The following CBLC variants were observed in gnomAD, a reference collection of about 807,000 sequenced individuals.
CBLC encodes E3 ubiquitin-protein ligase CBL-C.
In CBLC, 46 loss-of-function variants were observed where a neutral mutation model predicts 58.6. The observed-to-expected ratio is 0.79, with a 90% CI of 0.62 to 1.00. The LOEUF (loss-of-function observed/expected upper bound fraction) is 1.00. Among genes scored for constraint, CBLC ranks in the 50% least tolerant of loss-of-function variants. The probability of loss-of-function intolerance (pLI) is 0.00; values close to 1 mark genes in which losing one functional copy is unlikely to be tolerated. For synonymous variants in CBLC, 271 were observed against 264.2 expected (o/e 1.03, Z -0.25); for missense variants, 655 against 625.8 (o/e 1.05, Z -0.50).
In CBLC at chr19:44,800,531, A is replaced by C. The variant is rs1599878131; in HGVS notation, c.*8-20A>C. 4.9e-6 allele frequency: 4 copies of C among 809,886 alleles called. No individual in the cohort carries two copies. Among genetic ancestry groups the C allele is most frequent in the South Asian group, 1.7e-5 (1 of 60,502 alleles). The allele number at this position is 809,886 out of a possible 1,614,324, so 50.2% of individuals were successfully genotyped here. A position where few individuals can be genotyped will look rare whatever the true frequency, so the allele number is the denominator to read the frequency against. On this transcript the variant is annotated intron_variant, in intron 10 of 10. Transcript: ENST00000647358. ...ACCTGGAGGTGACCTCATCTAACCCACCCCTCTCTCCGCCTACAGGGCACC... is the reference window on the plus strand; with the variant it reads ...ACCTGGAGGTGACCTCATCTAACCCCCCCCTCTCTCCGCCTACAGGGCACC...
rs1967706203 is a variant in CBLC at position 44,780,905 on chromosome 19, G to A, written c.354G>A (p.Arg118=). The change falls in exon 2 of 11, where the codon AGG becomes AGA. Residue 118 remains arginine, a splice_region_variant and synonymous_variant. Transcript: ENST00000647358. ...CCAGAGTCCTTGCCCATCCCCACAGGCGACAGCTGGCCAAGCTGGCCATCA... is the reference window on the plus strand; with the variant it reads ...CCAGAGTCCTTGCCCATCCCCACAGACGACAGCTGGCCAAGCTGGCCATCA... ...DELFRAGSRL[R]RQLAKLAIIF... The A allele has an allele frequency of 6.2e-7, 1 of 1,611,456 alleles. No individual in the cohort carries two copies. Among genetic ancestry groups the A allele is most frequent in the African/African-American group, 1.3e-5 (1 of 74,934 alleles).
At position 44,792,448 on chromosome 19, in the gene CBLC, C is replaced by G. The variant is rs1023454829; in HGVS notation, c.1071C>G (p.Ser357Arg). 1 of 1,613,284 alleles carries G rather than the reference C, an allele frequency of 6.2e-7. No individual in the cohort carries two copies. The highest frequency in any genetic ancestry group is 8.5e-7 in the Non-Finnish European group (1 of 1,179,750). ...TFELCKICAE[S>R]NKDVKIEPCG... Reference sequence around the variant, plus strand: ...AGCTCTGCAAGATCTGTGCTGAGAGCAACAAGGATGTGAAGATTGAGCCGT... The same window carrying G: ...AGCTCTGCAAGATCTGTGCTGAGAGGAACAAGGATGTGAAGATTGAGCCGT... Residue 357 changes from serine (S) to arginine (R), a missense_variant, in exon 7 of 11, where the codon AGC (serine) becomes AGG (arginine). Ser to Arg is a moderately radical substitution (Grantham distance 110). Transcript: ENST00000647358.
chr19:44,798,303 T>C (rs1376503879), intron 9 of CBLC, among the ~76,000 whole-genome samples: 1 of 150,714 alleles, frequency 6.6e-6, no homozygotes, highest in Non-Finnish European at 1.5e-5. Flanking sequence ...TCTCCCAAAG[T>C]GCTGGGATTG....
In CBLC at chr19:44,780,297, G is replaced by A. The variant is rs189193526; in HGVS notation, c.354-608G>A. Among the ~76,000 whole-genome samples the A allele has an allele frequency of 3.6e-3, 539 of 151,650 alleles. 5 individuals carry two copies. Among genetic ancestry groups the A allele is most frequent in the African/African-American group, 0.012 (505 of 41,338 alleles). ...TTACAGGCACCCGCCACCACGCAGC[G>A]ATAATTTTTATAGTTTTTATTAGAG... On this transcript the variant is annotated intron_variant, in intron 1 of 10. Coordinates refer to ENST00000647358, the MANE Select transcript of CBLC (RefSeq NM_012116.4).
At chr19:44,785,983 G>A (rs1182205134) in intron 5 of CBLC, among the ~76,000 whole-genome samples, 1 of 151,882 alleles carries the variant, frequency 6.6e-6, no homozygotes, top group East Asian at 1.9e-4. Flanking sequence ...AGAGATGGGG[G>A]TGGGGTGTGG....
intron 5 of CBLC, 104 bp downstream of exon 5, chr19:44,784,505 T>A: frequency 8.6e-7 from 1 of 1,162,548 alleles, no homozygotes; most frequent in Non-Finnish European, 1.2e-6. Context: ...GGTGCAACCA[T>A]TCACATAGGG....
At chr19:44,786,830 C>T (rs932804040) in intron 5 of CBLC, among the ~76,000 whole-genome samples, 2 of 152,126 alleles carry the variant, frequency 1.3e-5, no homozygotes, top group East Asian at 3.9e-4. Flanking sequence ...AGAGGCCGGG[C>T]ATGGTGGCTC....
intron 5 of CBLC, among the ~76,000 whole-genome samples, chr19:44,787,969 A>G (rs1442188249): frequency 1.3e-5 from 2 of 151,942 alleles, no homozygotes; most frequent in African/African-American, 2.4e-5. Flanking sequence ...AAAAGAAAAA[A>G]AAAATTAGTT....
intron 8 of CBLC, 36 bp downstream of exon 8, chr19:44,793,656 C>T (rs1263681628): frequency 6.5e-7 from 1 of 1,532,660 alleles, no homozygotes; most frequent in African/African-American, 1.7e-5. Context: ...AATCCAAATT[C>T]CTGAGGCCTG....
intron 5 of CBLC, among the ~76,000 whole-genome samples, chr19:44,786,917 C>T (rs1029875590): frequency 7.9e-5 from 12 of 151,624 alleles, no homozygotes; most frequent in African/African-American, 2.9e-4. Context: ...CCAGCCTGGC[C>T]AACATGGTGA....
chr19:44,777,947 GC>G lies in CBLC; in HGVS notation c.20del (p.Pro7ArgfsTer22). The G allele has an allele frequency of 6.3e-7, 1 of 1,595,896 alleles. No individual in the cohort carries two copies. ...CGAGGCTCCCATGGCTCTGGCGGTG[GC>G]CCCGTGGGGGCGACAGTGGGAAGAG... MALAV[A>X]PWGRQWEEAR... On this transcript the variant is annotated frameshift_variant, in exon 1 of 11. Coordinates refer to ENST00000647358, the MANE Select transcript of CBLC (RefSeq NM_012116.4). LOFTEE classifies it high-confidence loss of function.
At chr19:44,789,486 C>T (rs576774266) in intron 5 of CBLC, among the ~76,000 whole-genome samples, 17 of 152,122 alleles carry the variant, frequency 1.1e-4, no homozygotes, top group African/African-American at 3.9e-4. Context: ...TCACTGCAAC[C>T]TCTGCCTCCT....
rs192409819 is a variant in CBLC, at chr19:44,796,126, A to C, written c.1362+1845A>C. Among the ~76,000 whole-genome samples the C allele has an allele frequency of 6.0e-3, 915 of 152,086 alleles. 11 individuals carry two copies. The highest frequency in any genetic ancestry group is 0.021 in the African/African-American group (881 of 41,524). Reference sequence around the variant, plus strand: ...GCTACTTGGAAGACTGTGGCAGGAGAATCGCTTGAACCCGGGAGGTGGAGG... The same window carrying C: ...GCTACTTGGAAGACTGTGGCAGGAGCATCGCTTGAACCCGGGAGGTGGAGG... On this transcript the variant is annotated intron_variant, in intron 9 of 10. Coordinates refer to ENST00000647358, the MANE Select transcript of CBLC (RefSeq NM_012116.4).
intron 4 of CBLC, 104 bp downstream of exon 4, chr19:44,782,595 G>C: frequency 1.1e-6 from 1 of 912,438 alleles, no homozygotes; most frequent in Admixed American, 2.4e-5. Context: ...AGTGGGAACA[G>C]AGGTACCCAG....
intron 5 of CBLC, among the ~76,000 whole-genome samples, chr19:44,789,485 C>T (rs771361306): frequency 2.0e-5 from 3 of 151,854 alleles, no homozygotes; most frequent in Non-Finnish European, 4.4e-5. Context: ...CTCACTGCAA[C>T]CTCTGCCTCC....
intron 7 of CBLC, 58 bp downstream of exon 7, chr19:44,792,572 C>T: frequency 6.8e-7 from 1 of 1,469,614 alleles, no homozygotes. Flanking sequence ...ACAGGGAAAG[C>T]CCCAAAAGGA....
intron 5 of CBLC, among the ~76,000 whole-genome samples, chr19:44,788,149 C>T (rs987234452): frequency 2.0e-5 from 3 of 151,854 alleles, no homozygotes; most frequent in Non-Finnish European, 4.4e-5. Context: ...CAGGGTCTCA[C>T]TGTCACCCAG....
In CBLC at chr19:44,794,219, C is replaced by T; in HGVS notation, c.1300C>T (p.Pro434Ser). 6.2e-7 allele frequency: 1 copy of T among 1,612,322 alleles called. No individual in the cohort carries two copies. Among genetic ancestry groups the T allele is most frequent in the Non-Finnish European group, 8.5e-7 (1 of 1,179,198 alleles). ...LELGQVPLSA[P>S]PLPPRPDLPP... ...CCCACCCCAGGTGCCCCTTTCGGCT[C>T]CTCCATTGCCCCCACGGCCAGATCT... Residue 434 changes from proline to serine, a missense_variant, in exon 9 of 11, where the codon CCT (proline) becomes TCT (serine). By Grantham distance (74) the Pro-to-Ser change is moderately conservative (BLOSUM62 -1). Transcript: ENST00000647358.
intron 9 of CBLC, among the ~76,000 whole-genome samples, 176 bp downstream of exon 9, chr19:44,794,457 CTTTT>C (rs200824891): frequency 2.6e-5 from 2 of 78,346 alleles, no homozygotes; most frequent in Non-Finnish European, 2.4e-5. Flanking sequence ...CTGGGACTTT[CTTTT>C]TTTTTTTTTT....
Sources: allele counts gnomAD v4.1 joint callset (sites outside exome capture counted in the v4.1 genomes callset), GRCh38; gene constraint gnomAD v4.1.1; transcripts MANE v1.5; gene names NCBI Gene and HGNC (gene_info 2026-07-23, HGNC 2026-07-21).